Variants in ASB10 observed in about 807,000 individuals in gnomAD.
ASB10 encodes the protein ankyrin repeat and SOCS box containing 10.
A neutral mutation model predicts 35.4 loss-of-function variants in ASB10; 44 were observed. The ratio of observed to expected loss-of-function variants is 1.24; its 90% CI spans 0.98 to 1.60. ASB10 has a LOEUF of 1.60. Among genes scored for constraint, ASB10 ranks in the 40% most tolerant of loss-of-function variants. The pLI is 0.00. For synonymous variants in ASB10, 294 were observed against 280.4 expected, an observed-to-expected ratio of 1.05 and a Z score of -0.49; for missense variants, 647 against 634.3, an observed-to-expected ratio of 1.02 and a Z score of -0.22.
At position 151,181,213 on chromosome 7, in the gene ASB10, C is replaced by G; in HGVS notation, c.830G>C (p.Cys277Ser). 6.2e-7 allele frequency: 1 copy of G among 1,612,868 alleles called. No homozygotes were observed. The highest frequency in any genetic ancestry group is 1.1e-5 in the South Asian group (1 of 91,064). ...EATTARCLQL[C>S]SLLLSAGADA... ...TGCTCCAGCTGAAAGCAGCAAGCTG[C>G]ACAGCTGCAGGCAGCGGGCGGTGGT... Residue 277 changes from cysteine to serine, a missense_variant, in exon 3 of 6, where the codon TGC becomes TCC. Cys to Ser is a moderately radical substitution (Grantham distance 112). Coordinates refer to ENST00000420175, the MANE Select transcript of ASB10 (RefSeq NM_001142459.2).
chr7:151,181,063 C>A lies in ASB10; in HGVS notation c.980G>T (p.Gly327Val), dbSNP rs1801477456. The A allele has an allele frequency of 6.2e-7, 1 of 1,612,448 alleles. No individual in the cohort carries two copies. Residue 327 changes from glycine (G) to valine (V), a missense_variant, in exon 3 of 6, where the codon GGA becomes GTA. Coordinates refer to ENST00000420175, the MANE Select transcript of ASB10 (RefSeq NM_001142459.2). ...GVSANTMDYG[G>V]HTPLHCALQG... ...CAGAGCACAGTGCAGGGGCGTGTGT[C>A]CCCCATAGTCCATGGTGTTGGCGCT... is the stretch of plus-strand genomic sequence containing the variant.
intron 3 of ASB10, among the ~76,000 whole-genome samples, chr7:151,180,427 C>T (rs568488791): frequency 1.3e-5 from 2 of 152,268 alleles, no homozygotes; most frequent in Non-Finnish European, 2.9e-5. Flanking sequence ...ATTCAGGGGA[C>T]CTTGAGCCTC....
Position 151,181,614 on chromosome 7 carries a change from CT to C in ASB10, c.585-157del, listed in dbSNP as rs34867888. Among the ~76,000 whole-genome samples, 34,053 of 137,696 alleles carry C rather than the reference CT, an allele frequency of 0.25. 3,746 individuals carry two copies. Among genetic ancestry groups the C allele is most frequent in the Non-Finnish European group, 0.27 (17,323 of 63,406 alleles). The allele number at this position is 137,696 out of a possible 152,430, so 90.3% of individuals were successfully genotyped here. A position where few individuals can be genotyped will look rare whatever the true frequency, so the allele number is the denominator to read the frequency against. ...ATTCTGCAAGATCAACAGTGCCCTTCTTTTTTTTTTTTTTTTGAGACTGAGT... is the reference window on the plus strand; with the variant it reads ...ATTCTGCAAGATCAACAGTGCCCTTCTTTTTTTTTTTTTTTGAGACTGAGT... On this transcript the variant is annotated intron_variant, in intron 2 of 5. Transcript: ENST00000420175.
rs973919475 is a variant in ASB10, at chr7:151,181,051, A to C, written c.992T>G (p.Leu331Arg). Reference protein sequence around the residue: ...NTMDYGGHTPLHCALQGPAAA... With the variant: ...NTMDYGGHTPRHCALQGPAAA... ...AGCTGGGCCCTGCAGAGCACAGTGCAGGGGCGTGTGTCCCCCATAGTCCAT... is the reference window on the plus strand; with the variant it reads ...AGCTGGGCCCTGCAGAGCACAGTGCCGGGGCGTGTGTCCCCCATAGTCCAT... Residue 331 changes from leucine (L) to arginine (R), a missense_variant, in exon 3 of 6, where the codon CTG (leucine) becomes CGG (arginine). By Grantham distance (102) the Leu-to-Arg change is moderately radical (BLOSUM62 -2). Transcript: ENST00000420175. The C allele has an allele frequency of 4.3e-6, 7 of 1,612,386 alleles. No individual in the cohort carries two copies. The highest frequency in any genetic ancestry group is 5.1e-6 in the Non-Finnish European group (6 of 1,179,814).
In ASB10 at chr7:151,187,008, A is replaced by G. The variant is rs759151610; in HGVS notation, c.123T>C (p.Ser41=). The change falls in exon 1 of 6, where the codon TCT becomes TCC. Residue 41 remains serine, a synonymous_variant. Coordinates refer to ENST00000420175, the MANE Select transcript of ASB10 (RefSeq NM_001142459.2). The surrounding 1 kb of genome is among the most constrained non-coding windows in gnomAD (Gnocchi z 5.3). ...TGCGGGTGACGATGGGTCCCGGGCCAGACTTGAGGTGCTCCTCAGACCCTC... is the reference window on the plus strand; with the variant it reads ...TGCGGGTGACGATGGGTCCCGGGCCGGACTTGAGGTGCTCCTCAGACCCTC... ...PSRGSEEHLK[S]GPGPIVTRTA... 3.1e-6 allele frequency: 5 copies of G among 1,610,514 alleles called. No homozygotes were observed. Among genetic ancestry groups the G allele is most frequent in the Non-Finnish European group, 3.4e-6 (4 of 1,177,600 alleles).
At position 151,181,419 on chromosome 7, in the gene ASB10, ATCCACTCTCGC is replaced by A; in HGVS notation, c.613_623del (p.Ala205TrpfsTer34). Reference sequence around the variant, plus strand: ...TCTCCTCTTCTTCCTCGGACCGACCATCCACTCTCGCTCCAAACCTGAGGAGCAGCTCCGCA... The same window carrying A: ...TCTCCTCTTCTTCCTCGGACCGACCATCCAAACCTGAGGAGCAGCTCCGCA... On this transcript the variant is annotated frameshift_variant, in exon 3 of 6. Transcript: ENST00000420175. LOFTEE classifies it high-confidence loss of function. The A allele has an allele frequency of 6.2e-7, 1 of 1,607,984 alleles. No homozygotes were observed. The highest frequency in any genetic ancestry group is 8.5e-7 in the Non-Finnish European group (1 of 1,176,464).
intron 3 of ASB10, among the ~76,000 whole-genome samples, chr7:151,177,136 G>A (rs2150555203): frequency 6.6e-6 from 1 of 152,374 alleles, no homozygotes; most frequent in East Asian, 1.9e-4. Context: ...TGCTGTAAGG[G>A]AACTCCATTT....
At chr7:151,186,321 CA>C in intron 2 of ASB10, 70 bp downstream of exon 2, 1 of 1,482,902 alleles carries the variant, frequency 6.7e-7, no homozygotes, top group Non-Finnish European at 9.0e-7. Flanking sequence ...CATTTTCCCC[CA>C]TCCTCCCTGA....
chr7:151,186,937 C>G lies in ASB10; in HGVS notation c.194G>C (p.Gly65Ala). The G allele has an allele frequency of 6.2e-7, 1 of 1,613,678 alleles. No homozygotes were observed. The highest frequency in any genetic ancestry group is 1.7e-5 in the Admixed American group (1 of 60,016). ...GATGCGGGAGACACAGCCCACGTCC[C>G]CAGCCAGCACTGCCTGCCAGAAGGC... is the stretch of plus-strand genomic sequence containing the variant. ...ALAFWQAVLAGDVGCVSRILA... is the reference protein window; with the variant it reads ...ALAFWQAVLAADVGCVSRILA... The change falls in exon 1 of 6, where the codon GGG becomes GCG. Residue 65 changes from glycine (G) to alanine (A), a missense_variant. Physicochemically the swap from Gly to Ala is moderately conservative, Grantham distance 60. Transcript: ENST00000420175.
In ASB10 at chr7:151,186,428, C is replaced by G; in HGVS notation, c.548G>C (p.Arg183Pro). Residue 183 changes from arginine (R) to proline (P), a missense_variant, in exon 2 of 6, where the codon CGC (arginine) becomes CCC (proline). Physicochemically the swap from Arg to Pro is moderately radical, Grantham distance 103. Coordinates refer to ENST00000420175, the MANE Select transcript of ASB10 (RefSeq NM_001142459.2). Reference protein sequence around the residue: ...DPNIADQDGKRPLHLCRGPGT... With the variant: ...DPNIADQDGKPPLHLCRGPGT... Reference sequence around the variant, plus strand: ...AGGCCCCCGGCAGAGATGCAGGGGGCGTTTCCCATCCTGGTCAGCGATGTT... The same window carrying G: ...AGGCCCCCGGCAGAGATGCAGGGGGGGTTTCCCATCCTGGTCAGCGATGTT... The G allele has an allele frequency of 6.3e-7, 1 of 1,587,534 alleles. No homozygotes were observed. Among genetic ancestry groups the G allele is most frequent in the African/African-American group, 1.3e-5 (1 of 74,450 alleles).
upstream of ASB10, chr7:151,187,283 G>T (rs1801619512): frequency 6.6e-7 from 1 of 1,509,474 alleles, no homozygotes; most frequent in Non-Finnish European, 8.9e-7. This position sits in a 1 kb window ranked among gnomAD's most constrained non-coding sequence, Gnocchi z 5.3. Context: ...GAGCTATTCT[G>T]GGCTCCACAT....
In ASB10 at chr7:151,176,590, G is replaced by A. The variant is rs753462958; in HGVS notation, c.1191C>T (p.Val397=). ...GCAGAGTTTCAGGAGTCACCAGGCC[G>A]ACGGCCTCCTCGGGAAGCTGCACAA... The part of the protein sequence containing the change: ...YSVVQLPEEA[V]GLVTPETLQK... Residue 397 remains valine (V), a synonymous_variant, in exon 4 of 6, where the codon GTC becomes GTT. Coordinates refer to ENST00000420175, the MANE Select transcript of ASB10 (RefSeq NM_001142459.2). 2.6e-6 allele frequency: 4 copies of A among 1,551,326 alleles called. No homozygotes were observed. Among genetic ancestry groups the A allele is most frequent in the Admixed American group, 2.0e-5 (1 of 51,000 alleles).
At chr7:151,187,637 G>A (rs1801628258), upstream of ASB10, 2 of 1,537,240 alleles carry the variant, frequency 1.3e-6, no homozygotes, top group South Asian at 2.4e-5. This position sits in a 1 kb window ranked among gnomAD's most constrained non-coding sequence, Gnocchi z 5.3. Context: ...GCGGGAGTGG[G>A]GCCTCCAGAT....
intron 2 of ASB10, among the ~76,000 whole-genome samples, chr7:151,186,138 C>T (rs186989628): frequency 1.1e-3 from 175 of 152,284 alleles, no homozygotes; most frequent in Middle Eastern, 6.8e-3. Context: ...TTTCCCAATG[C>T]GGGCCATGCA....
chr7:151,186,279 C>T, intron 2 of ASB10, 113 bp downstream of exon 2: 1 of 1,354,388 alleles, frequency 7.4e-7, no homozygotes, highest in South Asian at 1.5e-5. Flanking sequence ...ACCCGCGCCC[C>T]AAGCCTGGAC....
intron 3 of ASB10, among the ~76,000 whole-genome samples, chr7:151,178,747 C>T (rs1281157210): frequency 6.6e-6 from 1 of 152,204 alleles, no homozygotes; most frequent in African/African-American, 2.4e-5. Flanking sequence ...AAGCATTTTA[C>T]ACACCTGGGG....
At chr7:151,176,342 G>C in intron 4 of ASB10, 45 bp from the exon 5 acceptor site, 2 of 1,515,378 alleles carry the variant, frequency 1.3e-6, no homozygotes, top group Non-Finnish European at 1.8e-6. Flanking sequence ...CCTCAGACAG[G>C]TAGCACCGGC....
chr7:151,176,980 G>A (rs746842205), intron 3 of ASB10, among the ~76,000 whole-genome samples: 8 of 152,202 alleles, frequency 5.3e-5, no homozygotes, highest in Non-Finnish European at 7.3e-5. Flanking sequence ...CAGTGGAGTG[G>A]AGTGACACAT....
At chr7:151,187,752 G>A (rs1479380733), upstream of ASB10, 13 of 1,451,830 alleles carry the variant, frequency 9.0e-6, no homozygotes, top group African/African-American at 4.3e-5. This position sits in a 1 kb window ranked among gnomAD's most constrained non-coding sequence, Gnocchi z 5.3. Context: ...AAAGCAGCAC[G>A]ACTCCCAGCG....
Sources: gnomAD v4.1 joint callset for allele counts (sites outside exome capture counted in the v4.1 genomes callset) on GRCh38, gnomAD v4.1.1 for gene constraint, Gnocchi (gnomAD v3.1) non-coding constraint, MANE v1.5 for transcripts, NCBI Gene and HGNC (gene_info 2026-07-23, HGNC 2026-07-21) for gene names.